PPP6R2: variants seen among roughly 807,000 people sequenced by gnomAD.
PPP6R2 encodes protein phosphatase 6 regulatory subunit 2, also known as serine/threonine-protein phosphatase 6 regulatory subunit 2.
PPP6R2 carries 62 observed loss-of-function variants against 100.2 expected under a neutral mutation model. The observed-to-expected ratio is 0.62, with a 90% confidence interval of 0.50 to 0.76. The LOEUF (loss-of-function observed/expected upper bound fraction) is 0.76. Among genes scored for constraint, PPP6R2 ranks in the 30% least tolerant of loss-of-function variants. The pLI is 0.00. For missense variants in PPP6R2, 1,142 were observed against 1,276.3 expected (o/e 0.89, Z 1.60); for synonymous variants, 525 against 514.7 (o/e 1.02, Z -0.27).
chr22:50,388,899 G>A (rs970619747), intron 2 of PPP6R2: 3 of 151,662 alleles, frequency 2.0e-5, no homozygotes, highest in African/African-American at 7.3e-5. Flanking sequence ...AAAAAAAAAT[G>A]ATTTGTGGCC....
intron 6 of PPP6R2, 85 bp from the exon 7 acceptor site, chr22:50,418,782 G>C (rs1407566614): frequency 5.0e-6 from 5 of 992,684 alleles, no homozygotes; most frequent in Admixed American, 1.8e-5. Flanking sequence ...GAAGCAGCAG[G>C]ACTTGTGCCC....
intron 2 of PPP6R2, among the ~76,000 whole-genome samples, chr22:50,392,623 C>T (rs2055869127): frequency 6.6e-6 from 1 of 152,222 alleles, no homozygotes; most frequent in African/African-American, 2.4e-5. Flanking sequence ...AAAAATGCAG[C>T]ATCCTTGTAG....
upstream of PPP6R2, among the ~76,000 whole-genome samples, chr22:50,339,033 T>TA (rs2042337607): frequency 7.6e-6 from 1 of 131,404 alleles, no homozygotes; most frequent in African/African-American, 3.0e-5. Flanking sequence ...GTGTGGTGTG[T>TA]GTGTGTGGTA....
intron 1 of PPP6R2, among the ~76,000 whole-genome samples, chr22:50,360,834 G>A (rs932787979): frequency 6.6e-6 from 1 of 152,198 alleles, no homozygotes; most frequent in Non-Finnish European, 1.5e-5. Flanking sequence ...GTTTGGCACT[G>A]TGTAGAGTCT....
chr22:50,436,943 C>T (rs773103561), intron 14 of PPP6R2, 45 bp from the exon 15 acceptor site: 11 of 1,493,588 alleles, frequency 7.4e-6, no homozygotes, highest in African/African-American at 1.4e-5. Flanking sequence ...GGGTCTGGGG[C>T]GCTGGGCTGG....
At chr22:50,410,758 A>C (rs537468164) in intron 4 of PPP6R2, among the ~76,000 whole-genome samples, 2 of 152,012 alleles carry the variant, frequency 1.3e-5, no homozygotes, top group South Asian at 2.1e-4. Context: ...AAAATGTCAC[A>C]ATTGGAGGAA....
chr22:50,378,751 A>ATG (rs1021753351), intron 2 of PPP6R2, among the ~76,000 whole-genome samples: 19 of 151,610 alleles, frequency 1.3e-4, no homozygotes, highest in Admixed American at 9.9e-4. Context: ...CTGGTGGGGC[A>ATG]TGCCTGTAGA....
chr22:50,416,778 A>G lies in PPP6R2; in HGVS notation c.618+621A>G, dbSNP rs1403928873. Among the ~76,000 whole-genome samples, 3 of 151,988 alleles carry G rather than the reference A, an allele frequency of 2.0e-5. No individual in the cohort carries two copies. The South Asian group carries it at 6.2e-4, about 32-fold the overall frequency. ...AGGAGTTTTGAGACCAGCCTGGCCA[A>G]CGTGGCGAAACCCTGTCTCTACTAA... On this transcript the variant is annotated intron_variant, in intron 6 of 23. Coordinates refer to ENST00000612753, the MANE Select transcript of PPP6R2 (RefSeq NM_001242898.2).
In PPP6R2 at chr22:50,431,664, C is replaced by A. The variant is rs549495908; in HGVS notation, c.1335+282C>A. The stretch of plus-strand genomic sequence containing the variant: ...GAGATGAGTTCAGTCTGGCCTCCAG[C>A]TGGAGGCCCAGGGAATAAATGCCCA... On this transcript the variant is annotated intron_variant, in intron 11 of 23. Transcript: ENST00000612753. This position sits in a 1 kb window ranked among gnomAD's most constrained non-coding sequence, Gnocchi z 4.8. 8.5e-5 allele frequency among the ~76,000 whole-genome samples: 13 copies of A among 152,260 alleles called. No homozygotes were observed. In the South Asian group the frequency reaches 2.7e-3, roughly 32 times the overall value.
chr22:50,365,514 T>TA (rs886679891), intron 1 of PPP6R2, among the ~76,000 whole-genome samples: 4 of 151,530 alleles, frequency 2.6e-5, no homozygotes, highest in African/African-American at 9.7e-5. Context: ...TCGTCTCTAC[T>TA]AAAAAATACA....
chr22:50,410,623 A>G (rs1403187847), intron 4 of PPP6R2, among the ~76,000 whole-genome samples: 3 of 150,824 alleles, frequency 2.0e-5, no homozygotes, highest in Non-Finnish European at 4.4e-5. Flanking sequence ...TCTGGGGGAT[A>G]GAGTGAGATT....
intron 22 of PPP6R2, among the ~76,000 whole-genome samples, chr22:50,441,970 C>A (rs1299426744): frequency 6.6e-6 from 1 of 152,134 alleles, no homozygotes; most frequent in Non-Finnish European, 1.5e-5. Context: ...GACCCTGAGG[C>A]CTGAGCTCCC....
At chr22:50,352,856 C>T (rs906929574) in intron 1 of PPP6R2, among the ~76,000 whole-genome samples, 11 of 152,018 alleles carry the variant, frequency 7.2e-5, no homozygotes, top group Non-Finnish European at 1.0e-4. Flanking sequence ...CGCTTGAGCT[C>T]GGGAGTTTGA....
chr22:50,370,583 G>A (rs540027145), intron 1 of PPP6R2, among the ~76,000 whole-genome samples: 18 of 148,902 alleles, frequency 1.2e-4, no homozygotes, highest in African/African-American at 3.7e-4. Context: ...CACCACGCCT[G>A]GCCACGCTAT....
At position 50,440,153 on chromosome 22, in the gene PPP6R2, C is replaced by G. The variant is rs1345646905; in HGVS notation, c.2374+104C>G. 2.9e-6 allele frequency: 3 copies of G among 1,037,040 alleles called. No homozygotes were observed. In the South Asian group the frequency reaches 4.6e-5, roughly 16 times the overall value. The allele number at this position is 1,037,040 out of a possible 1,614,324, so 64.2% of individuals were successfully genotyped here. ...CAGTGGGAGGAGGTGGCCGGGGCCT[C>G]GCATGCTGCTACGTCTCTGGTGACA... On this transcript the variant is annotated intron_variant, in intron 21 of 23. Transcript: ENST00000612753.
chr22:50,373,852 G>A (rs913020398), intron 2 of PPP6R2, among the ~76,000 whole-genome samples: 1 of 152,016 alleles, frequency 6.6e-6, no homozygotes, highest in African/African-American at 2.4e-5. Flanking sequence ...TCCTGCGTCA[G>A]CCTCCCGAAT....
Position 50,395,599 on chromosome 22 carries a change from C to T in PPP6R2, c.227+1464C>T, listed in dbSNP as rs1193277413. ...TTTTTGAGACAAGGTCTCACTCCAT[C>T]GCCCAGGCTGGGGTGCAGTGGCATG... On this transcript the variant is annotated intron_variant, in intron 3 of 23. Transcript: ENST00000612753. Among the ~76,000 whole-genome samples, 6 of 152,164 alleles carry T rather than the reference C, an allele frequency of 3.9e-5. 1 individual carries two copies. Among genetic ancestry groups the T allele is most frequent in the East Asian group, 1.9e-4 (1 of 5,176 alleles).
At chr22:50,420,976 C>G (rs2061255997) in intron 8 of PPP6R2, among the ~76,000 whole-genome samples, 1 of 152,210 alleles carries the variant, frequency 6.6e-6, no homozygotes, top group African/African-American at 2.4e-5. Flanking sequence ...GAACATAATT[C>G]AGCCCCCAAC....
chr22:50,374,974 G>A (rs1281642565), intron 2 of PPP6R2, among the ~76,000 whole-genome samples: 3 of 150,050 alleles, frequency 2.0e-5, no homozygotes, highest in South Asian at 4.2e-4. Flanking sequence ...CACTGAAATC[G>A]TATAGCACCA....
Sources: gnomAD v4.1 joint callset for allele counts (sites outside exome capture counted in the v4.1 genomes callset) on GRCh38, gnomAD v4.1.1 for gene constraint, Gnocchi (gnomAD v3.1) non-coding constraint, MANE v1.5 for transcripts, NCBI Gene and HGNC (gene_info 2026-07-23, HGNC 2026-07-21) for gene names.